RAB39A: variants seen among roughly 807,000 people sequenced by gnomAD.
The protein encoded by RAB39A is ras-related protein Rab-39A.
Under a neutral mutation model 20.9 loss-of-function variants are expected in RAB39A, and 17 were observed. That is an observed-to-expected ratio of 0.81 (90% CI 0.56 to 1.22). RAB39A has a LOEUF of 1.22. RAB39A is among the 50% of genes most tolerant of loss of function. RAB39A has a pLI of 0.00. For missense variants in RAB39A, 234 were observed against 270.5 expected, an observed-to-expected ratio of 0.87 and a Z score of 0.95; for synonymous variants, 99 against 103.4, an observed-to-expected ratio of 0.96 and a Z score of 0.26.
chr11:107,931,396 T>G (rs1368306410), intron 1 of RAB39A, among the ~76,000 whole-genome samples: 7 of 152,268 alleles, frequency 4.6e-5, no homozygotes, highest in African/African-American at 1.7e-4. Flanking sequence ...AGGGAATGTT[T>G]ACTGACAGTG....
intron 1 of RAB39A, among the ~76,000 whole-genome samples, chr11:107,941,818 C>A (rs1456893314): frequency 6.6e-6 from 1 of 152,022 alleles, no homozygotes; most frequent in Non-Finnish European, 1.5e-5. Context: ...TCGGGCCAGT[C>A]GCAGTGGCTC....
At chr11:107,955,453 A>G (rs1333468787) in intron 1 of RAB39A, among the ~76,000 whole-genome samples, 1 of 152,208 alleles carries the variant, frequency 6.6e-6, no homozygotes, top group Non-Finnish European at 1.5e-5. Context: ...AGCTTGGACC[A>G]GCCGAAGGGA....
At chr11:107,952,567 G>A (rs1023696709) in intron 1 of RAB39A, among the ~76,000 whole-genome samples, 1 of 151,832 alleles carries the variant, frequency 6.6e-6, no homozygotes, top group Non-Finnish European at 1.5e-5. Flanking sequence ...AGCAACAAGA[G>A]CGCAACTCTG....
chr11:107,946,646 G>A (rs1861321904), intron 1 of RAB39A, among the ~76,000 whole-genome samples: 1 of 148,592 alleles, frequency 6.7e-6, no homozygotes, highest in Non-Finnish European at 1.5e-5. Flanking sequence ...CTAATTTTTT[G>A]TGTTTTTTTA....
chr11:107,946,180 G>T (rs1215665949), intron 1 of RAB39A, among the ~76,000 whole-genome samples: 1 of 148,010 alleles, frequency 6.8e-6, no homozygotes, highest in Non-Finnish European at 1.5e-5. Flanking sequence ...AAACAAACAG[G>T]AAACAGCAAC....
intron 1 of RAB39A, among the ~76,000 whole-genome samples, chr11:107,954,987 CTTTTTTTTTTTTTTT>C (rs60838211): frequency 1.8e-5 from 1 of 54,860 alleles, no homozygotes; most frequent in Non-Finnish European, 3.1e-5. Context: ...AGAAAGCATG[CTTTTTTTTTTTTTTT>C]TTTTTTTTTT....
At chr11:107,943,956 A>G (rs569574469) in intron 1 of RAB39A, among the ~76,000 whole-genome samples, 1 of 151,842 alleles carries the variant, frequency 6.6e-6, no homozygotes, top group African/African-American at 2.4e-5. Context: ...TTAGCTGGAC[A>G]TGGTGGCAGT....
chr11:107,946,343 C>CACAT (rs1237320187), intron 1 of RAB39A, among the ~76,000 whole-genome samples: 8 of 118,434 alleles, frequency 6.8e-5, no homozygotes, highest in African/African-American at 2.6e-4. Context: ...CACACACACA[C>CACAT]ATATATATAC....
chr11:107,954,532 T>C (rs1277045429), intron 1 of RAB39A, among the ~76,000 whole-genome samples: 1 of 152,188 alleles, frequency 6.6e-6, no homozygotes, highest in Non-Finnish European at 1.5e-5. Flanking sequence ...ACTCTTCCTC[T>C]GGAAAAAGTA....
At chr11:107,935,120 G>A (rs1414598085) in intron 1 of RAB39A, among the ~76,000 whole-genome samples, 2 of 151,972 alleles carry the variant, frequency 1.3e-5, no homozygotes, top group Non-Finnish European at 2.9e-5. Flanking sequence ...CAGGAAAGGG[G>A]TCCCGATCCA....
intron 1 of RAB39A, among the ~76,000 whole-genome samples, chr11:107,930,971 T>C (rs1861129899): frequency 6.6e-6 from 1 of 152,050 alleles, no homozygotes; most frequent in East Asian, 1.9e-4. Flanking sequence ...GATGATTGTT[T>C]TTTAACTTTT....
intron 1 of RAB39A, among the ~76,000 whole-genome samples, chr11:107,946,422 GTGTGTGTGTGTGTGTATA>G (rs1282552507): frequency 0.019 from 646 of 34,286 alleles, 7 homozygotes; most frequent in African/African-American, 0.025. Flanking sequence ...GTGTGTGTGT[GTGTGTGTGTGTGTGTATA>G]TATATATATA....
intron 1 of RAB39A, among the ~76,000 whole-genome samples, chr11:107,955,142 A>G (rs563042579): frequency 2.0e-5 from 3 of 151,162 alleles, no homozygotes; most frequent in Non-Finnish European, 3.0e-5. Context: ...GACTACAGGC[A>G]CCCGCCACCA....
intron 1 of RAB39A, among the ~76,000 whole-genome samples, chr11:107,935,263 A>G (rs4754276): frequency 0.92 from 140,716 of 152,252 alleles, 65,181 homozygotes; most frequent in Non-Finnish European, 0.96. Flanking sequence ...AGTAGGACGT[A>G]CCTGAAAGTA....
intron 1 of RAB39A, among the ~76,000 whole-genome samples, chr11:107,948,714 A>G (rs1861344173): frequency 3.3e-5 from 5 of 152,122 alleles, no homozygotes. Flanking sequence ...TGCTGGGATT[A>G]CAAGCGTGAG....
rs907559537 is a variant in RAB39A, at chr11:107,928,658, G to A, written c.90G>A (p.Gln30=). 3.1e-6 allele frequency: 5 copies of A among 1,612,644 alleles called. No homozygotes were observed. The African/African-American group carries it at 5.3e-5, about 17-fold the overall frequency. ...GKSCLLHRFT[Q]GRFPGLRSPA... is the part of the protein sequence containing the mutation. Reference sequence around the variant, plus strand: ...CCTGCCTCCTGCACCGCTTCACCCAGGGCCGCTTCCCCGGGCTGCGCTCCC... The same window carrying A: ...CCTGCCTCCTGCACCGCTTCACCCAAGGCCGCTTCCCCGGGCTGCGCTCCC... The change falls in exon 1 of 2, where the codon CAG becomes CAA. Residue 30 remains glutamine (Q), a synonymous_variant. Transcript: ENST00000320578. This position sits in a 1 kb window ranked among gnomAD's most constrained non-coding sequence, Gnocchi z 4.9.
Position 107,928,598 on chromosome 11 carries a change from C to G in RAB39A, c.30C>G (p.Arg10=). Residue 10 remains arginine, a synonymous_variant, in exon 1 of 2, where the codon CGC becomes CGG. Coordinates refer to ENST00000320578, the MANE Select transcript of RAB39A (RefSeq NM_017516.3). This position sits in a 1 kb window ranked among gnomAD's most constrained non-coding sequence, Gnocchi z 4.9. Reference sequence around the variant, plus strand: ...AGACCATCTGGATCTACCAGTTCCGCCTCATCGTGATCGGGGACTCCACCG... The same window carrying G: ...AGACCATCTGGATCTACCAGTTCCGGCTCATCGTGATCGGGGACTCCACCG... The part of the protein sequence containing the change: METIWIYQF[R]LIVIGDSTVG... The G allele has an allele frequency of 6.3e-7, 1 of 1,587,274 alleles. No individual in the cohort carries two copies. The highest frequency in any genetic ancestry group is 8.6e-7 in the Non-Finnish European group (1 of 1,160,782).
At chr11:107,940,046 G>T (rs1481799206) in intron 1 of RAB39A, among the ~76,000 whole-genome samples, 7 of 152,226 alleles carry the variant, frequency 4.6e-5, no homozygotes, top group African/African-American at 1.7e-4. Context: ...AAAGTTTGAA[G>T]AGGAATTTCT....
intron 1 of RAB39A, among the ~76,000 whole-genome samples, chr11:107,957,006 G>C (rs1861443801): frequency 6.6e-6 from 1 of 152,140 alleles, no homozygotes; most frequent in Admixed American, 6.6e-5. Context: ...GAATAGACAG[G>C]CTGGCAGACT....
Sources: gnomAD v4.1 joint callset for allele counts (sites outside exome capture counted in the v4.1 genomes callset) on GRCh38, gnomAD v4.1.1 for gene constraint, Gnocchi (gnomAD v3.1) non-coding constraint, MANE v1.5 for transcripts, NCBI Gene and HGNC (gene_info 2026-07-23, HGNC 2026-07-21) for gene names.